POU2F1: variants seen among roughly 807,000 people sequenced by gnomAD.
The protein encoded by POU2F1 is POU class 2 homeobox 1, also known as POU domain, class 2, transcription factor 1.
In POU2F1, 16 loss-of-function variants were observed where a neutral mutation model predicts 84.9. That is an observed-to-expected ratio of 0.19 (90% CI 0.13 to 0.29). The LOEUF is 0.29. Ranked by LOEUF, POU2F1 falls within the 10% of genes least tolerant of loss-of-function variation. POU2F1 has a pLI of 1.00. For synonymous variants in POU2F1, 368 were observed against 368.3 expected, an observed-to-expected ratio of 1.00 and a Z score of 0.01; for missense variants, 738 against 942.6, an observed-to-expected ratio of 0.78 and a Z score of 2.84.
intron 1 of POU2F1, among the ~76,000 whole-genome samples, chr1:167,245,596 A>G (rs530452384): frequency 3.9e-5 from 6 of 152,118 alleles, no homozygotes; most frequent in African/African-American, 1.4e-4. Context: ...TGTTTTTAGT[A>G]GAGACGGGGT....
At chr1:167,238,594 G>A (rs1649671970) in intron 1 of POU2F1, among the ~76,000 whole-genome samples, 1 of 152,130 alleles carries the variant, frequency 6.6e-6, no homozygotes, top group Non-Finnish European at 1.5e-5. Flanking sequence ...CTTCATTAAG[G>A]CAGTTAATTG....
intron 1 of POU2F1, among the ~76,000 whole-genome samples, chr1:167,312,175 A>T (rs530107265): frequency 1.5e-3 from 225 of 151,088 alleles, no homozygotes; most frequent in African/African-American, 5.3e-3. Context: ...TCACCTTATG[A>T]TCCACCCCCC....
rs542500108 is a variant in POU2F1 at position 167,238,049 on chromosome 1, C to T, written c.61+17091C>T. ...TGCCCGCCTTGGTCTCCCAAAGTGC[C>T]GGGATTACAGGTGTGAGCCACCATG... On this transcript the variant is annotated intron_variant, in intron 1 of 15. Transcript: ENST00000367866. Among the ~76,000 whole-genome samples, 796 of 151,604 alleles carry T rather than the reference C, an allele frequency of 5.3e-3. 8 individuals carry two copies. The highest frequency in any genetic ancestry group is 0.018 in the African/African-American group (736 of 41,350).
intron 1 of POU2F1, among the ~76,000 whole-genome samples, chr1:167,317,846 T>G (rs1370295021): frequency 6.6e-6 from 1 of 152,242 alleles, no homozygotes; most frequent in Non-Finnish European, 1.5e-5. Context: ...CTTCCCAACA[T>G]GTCTCCCCTT....
intron 2 of POU2F1, among the ~76,000 whole-genome samples, chr1:167,364,530 A>G (rs1160653877): frequency 8.5e-6 from 1 of 117,422 alleles, no homozygotes; most frequent in African/African-American, 4.6e-5. Flanking sequence ...CTCCGTCTCA[A>G]AAAAAAAAAA....
chr1:167,224,325 T>A (rs1648461474), intron 1 of POU2F1, among the ~76,000 whole-genome samples: 1 of 152,226 alleles, frequency 6.6e-6, no homozygotes, highest in Admixed American at 6.5e-5. Flanking sequence ...AGAGACCATT[T>A]GCCTTAGAAT....
chr1:167,221,014 G>GCCC, intron 1 of POU2F1, 56 bp downstream of exon 1: 2 of 1,319,122 alleles, frequency 1.5e-6, no homozygotes, highest in Non-Finnish European at 2.1e-6. Context: ...GGCTCCCGCT[G>GCCC]CCCCCCCCCG....
chr1:167,353,974 TAAC>T (rs1210969333), intron 2 of POU2F1, among the ~76,000 whole-genome samples: 1 of 152,228 alleles, frequency 6.6e-6, no homozygotes, highest in East Asian at 1.9e-4. Flanking sequence ...TATCCTCAAA[TAAC>T]ACATTACTTA....
chr1:167,347,943 G>T (rs2101776239), intron 2 of POU2F1, among the ~76,000 whole-genome samples: 1 of 152,246 alleles, frequency 6.6e-6, no homozygotes, highest in Admixed American at 6.5e-5. Context: ...TCTCTTGATG[G>T]ACATTTGGGT....
At chr1:167,306,887 G>T (rs1397735697) in intron 1 of POU2F1, among the ~76,000 whole-genome samples, 1 of 152,154 alleles carries the variant, frequency 6.6e-6, no homozygotes, top group Non-Finnish European at 1.5e-5. Flanking sequence ...GGTATAAAGG[G>T]TGTAGACTTT....
At chr1:167,401,307 G>T in intron 12 of POU2F1, 144 bp from the exon 13 acceptor site, 1 of 534,970 alleles carries the variant, frequency 1.9e-6, no homozygotes, top group Non-Finnish European at 3.3e-6. Context: ...TGTGATATCA[G>T]TGAACAACCA....
At position 167,224,091 on chromosome 1, in the gene POU2F1, T is replaced by TA. The variant is rs545197240; in HGVS notation, c.61+3134dup. On this transcript the variant is annotated intron_variant, in intron 1 of 15. Transcript: ENST00000367866. Reference sequence around the variant, plus strand: ...GATTTTACAAGCAAAATTTCGCTGTTACAGTTTTTGTAATACAGAAAAGGA... The same window carrying TA: ...GATTTTACAAGCAAAATTTCGCTGTTAACAGTTTTTGTAATACAGAAAAGGA... Among the ~76,000 whole-genome samples the TA allele has an allele frequency of 3.1e-4, 47 of 152,352 alleles. No individual in the cohort carries two copies. In the East Asian group the frequency reaches 8.9e-3, roughly 29 times the overall value.
chr1:167,413,425 G>A (rs1650106761), intron 15 of POU2F1, among the ~76,000 whole-genome samples: 2 of 152,152 alleles, frequency 1.3e-5, no homozygotes, highest in African/African-American at 2.4e-5. Flanking sequence ...CTTGAAGCCA[G>A]ATTTTTTTCC....
At chr1:167,411,883 A>T in intron 13 of POU2F1, 76 bp from the exon 14 acceptor site, 1 of 1,317,792 alleles carries the variant, frequency 7.6e-7, no homozygotes, top group Non-Finnish European at 1.1e-6. Flanking sequence ...TTGATTATAG[A>T]GTTTGGCTGA....
At chr1:167,372,869 G>A (rs1460680841) in intron 5 of POU2F1, among the ~76,000 whole-genome samples, 3 of 152,044 alleles carry the variant, frequency 2.0e-5, no homozygotes. Flanking sequence ...GCAATGGTAA[G>A]GAATAGTTTT....
At chr1:167,301,583 T>C (rs1359874264) in intron 1 of POU2F1, among the ~76,000 whole-genome samples, 1 of 152,180 alleles carries the variant, frequency 6.6e-6, no homozygotes, top group Admixed American at 6.5e-5. Flanking sequence ...ACACCTGGTT[T>C]ATTTGCATCC....
chr1:167,378,541 G>A (rs1463668141), intron 7 of POU2F1, among the ~76,000 whole-genome samples: 2 of 151,850 alleles, frequency 1.3e-5, no homozygotes, highest in East Asian at 3.9e-4. Flanking sequence ...TGAGTAGCTG[G>A]GATTATAGGC....
chr1:167,363,895 G>A (rs996897308), intron 2 of POU2F1, among the ~76,000 whole-genome samples: 2 of 152,200 alleles, frequency 1.3e-5, no homozygotes, highest in Admixed American at 6.5e-5. Context: ...ATTGGCAGAC[G>A]TTAGCACTGT....
At chr1:167,326,080 A>G (rs1024399289) in intron 1 of POU2F1, among the ~76,000 whole-genome samples, 7 of 152,104 alleles carry the variant, frequency 4.6e-5, no homozygotes, top group Non-Finnish European at 7.4e-5. Context: ...ACTACCTTCT[A>G]TGAACCCTTT....
Sources: allele counts gnomAD v4.1 joint callset (sites outside exome capture counted in the v4.1 genomes callset), GRCh38; gene constraint gnomAD v4.1.1; transcripts MANE v1.5; gene names NCBI Gene and HGNC (gene_info 2026-07-23, HGNC 2026-07-21).